PTER: variants seen among roughly 807,000 people sequenced by gnomAD.
The protein encoded by PTER is N-acetyltaurine hydrolase.
In PTER, 38 loss-of-function variants were observed where a neutral mutation model predicts 29.6. That is an observed-to-expected ratio of 1.28 (90% CI 0.99 to 1.68). The LOEUF (loss-of-function observed/expected upper bound fraction) is 1.68, where lower values mean the gene tolerates loss of function less well. Among genes scored for constraint, PTER ranks in the 40% most tolerant of loss-of-function variants. PTER has a pLI of 0.00. For missense variants in PTER, 482 were observed against 427.8 expected (o/e 1.13, Z -1.12); for synonymous variants, 172 against 154.5 (o/e 1.11, Z -0.84).
chr10:16,514,734 TG>T, downstream of PTER: 1 of 1,560,420 alleles, frequency 6.4e-7, no homozygotes, highest in South Asian at 1.2e-5. Context: ...AGAATTAGGA[TG>T]CGTAAATGAG....
rs527304185 is a variant in PTER, at chr10:16,507,261, A to G, written c.839+2101A>G. On this transcript the variant is annotated intron_variant, in intron 4 of 4. Coordinates refer to ENST00000535784, the MANE Select transcript of PTER (RefSeq NM_001261836.2). ...ACTGTATGTGTATGTGTATATATAT[A>G]TGTGTGTGTGTATATATATACACAG... 8.6e-5 allele frequency among the ~76,000 whole-genome samples: 13 copies of G among 151,106 alleles called. No individual in the cohort carries two copies. The South Asian group carries it at 2.1e-3, about 24-fold the overall frequency.
chr10:16,490,175 T>C (rs570467433), intron 3 of PTER, among the ~76,000 whole-genome samples: 1 of 152,314 alleles, frequency 6.6e-6, no homozygotes, highest in East Asian at 1.9e-4. Flanking sequence ...ACAAAGCCTA[T>C]TTTATAATAA....
intron 1 of PTER, among the ~76,000 whole-genome samples, chr10:16,451,833 G>T (rs544739259): frequency 5.9e-5 from 9 of 152,284 alleles, no homozygotes; most frequent in African/African-American, 2.2e-4. Context: ...TTCTTTCATA[G>T]ATGAAATAAA....
chr10:16,457,055 G>C (rs1294093048), intron 1 of PTER, among the ~76,000 whole-genome samples: 1 of 152,068 alleles, frequency 6.6e-6, no homozygotes, highest in Admixed American at 6.6e-5. Context: ...CCCAGTCTCG[G>C]TTATGTCTTT....
In PTER at chr10:16,510,477, A is replaced by G. The variant is rs1192052731; in HGVS notation, c.840-569A>G. Among the ~76,000 whole-genome samples the G allele has an allele frequency of 2.6e-5, 4 of 152,352 alleles. No homozygotes were observed. In the South Asian group the frequency reaches 8.3e-4, roughly 32 times the overall value. On this transcript the variant is annotated intron_variant, in intron 4 of 4. Coordinates refer to ENST00000535784, the MANE Select transcript of PTER (RefSeq NM_001261836.2). ...AAAGGGGCAAATGGTTAAAATGCTG[A>G]CCAACCTTTTTTCAGTGGCTTTGTA...
At chr10:16,452,182 C>T (rs1414836510) in intron 1 of PTER, among the ~76,000 whole-genome samples, 1 of 132,216 alleles carries the variant, frequency 7.6e-6, no homozygotes, top group Non-Finnish European at 1.6e-5. Flanking sequence ...TCAGTTTGAA[C>T]CACCAGTGGG....
chr10:16,446,363 C>T (rs1460523597), intron 1 of PTER, among the ~76,000 whole-genome samples: 1 of 151,978 alleles, frequency 6.6e-6, no homozygotes, highest in Non-Finnish European at 1.5e-5. Flanking sequence ...AGATTAAAGG[C>T]GTGCACCACA....
At chr10:16,464,693 C>G (rs1834744839) in intron 1 of PTER, among the ~76,000 whole-genome samples, 1 of 152,332 alleles carries the variant, frequency 6.6e-6, no homozygotes, top group African/African-American at 2.4e-5. Context: ...ATCAGAATGT[C>G]TCTGTGACAA....
In PTER at chr10:16,513,439, C is replaced by T. The variant is rs1203027734; in HGVS notation, c.*2183C>T. 1 of 152,158 alleles carries T rather than the reference C, an allele frequency of 6.6e-6. No individual in the cohort carries two copies. The highest frequency in any genetic ancestry group is 1.5e-5 in the Non-Finnish European group (1 of 67,888). 9.4% of individuals were successfully genotyped at this position (152,158 alleles called of 1,614,324 possible). On this transcript the variant is annotated 3_prime_UTR_variant, in exon 5 of 5. Transcript: ENST00000535784. ...GTATATGTTTTATACATAAATAAAA[C>T]ATTTCATCTAATATATATATGTGTG...
chr10:16,444,548 C>G (rs1833954056), intron 1 of PTER, among the ~76,000 whole-genome samples: 1 of 151,924 alleles, frequency 6.6e-6, no homozygotes, highest in East Asian at 1.9e-4. Flanking sequence ...CAGGGATGCA[C>G]CTGGTTAATT....
chr10:16,448,095 A>G (rs1834079433), intron 1 of PTER, among the ~76,000 whole-genome samples: 1 of 152,184 alleles, frequency 6.6e-6, no homozygotes, highest in Admixed American at 6.5e-5. Flanking sequence ...GTTTCTACCA[A>G]AGCCCAGTAA....
In PTER at chr10:16,454,178, G is replaced by T. The variant is rs118075763; in HGVS notation, c.-49+17131G>T. ...TTATTTTAAATTACAGAAATTCCAT[G>T]GTCAACCAACTCCACTTCTAATCCA... On this transcript the variant is annotated intron_variant, in intron 1 of 4. Coordinates refer to ENST00000535784, the MANE Select transcript of PTER (RefSeq NM_001261836.2). Among the ~76,000 whole-genome samples, 145 of 152,184 alleles carry T rather than the reference G, an allele frequency of 9.5e-4. 4 individuals are homozygous for T. In the East Asian group the frequency reaches 0.027, roughly 28 times the overall value.
intron 1 of PTER, among the ~76,000 whole-genome samples, chr10:16,448,153 T>C (rs1457405635): frequency 1.3e-5 from 2 of 152,324 alleles, no homozygotes; most frequent in African/African-American, 2.4e-5. Context: ...CTGCAGAAGA[T>C]GGCAGGGCCT....
chr10:16,514,954 A>G (rs74125908), downstream of PTER, among the ~76,000 whole-genome samples: 1,931 of 152,266 alleles, frequency 0.013, 31 homozygotes, highest in African/African-American at 0.044. Flanking sequence ...TTATCTAACT[A>G]CACATTCTAA....
chr10:16,448,893 G>A (rs751860112), intron 1 of PTER, among the ~76,000 whole-genome samples: 2 of 152,214 alleles, frequency 1.3e-5, no homozygotes, highest in Non-Finnish European at 2.9e-5. Context: ...CGCCAAGTCA[G>A]TGGCTGCATT....
chr10:16,444,205 G>A (rs186523438), intron 1 of PTER, among the ~76,000 whole-genome samples: 22 of 152,014 alleles, frequency 1.4e-4, no homozygotes, highest in African/African-American at 5.1e-4. Flanking sequence ...CATGTTGGCC[G>A]GGATGGTCTC....
chr10:16,457,818 C>T (rs1032971059), intron 1 of PTER, among the ~76,000 whole-genome samples: 2 of 151,874 alleles, frequency 1.3e-5, no homozygotes, highest in Non-Finnish European at 2.9e-5. Flanking sequence ...CCATGTTGGC[C>T]GCGCTAGTCT....
downstream of PTER, among the ~76,000 whole-genome samples, chr10:16,518,607 C>T (rs1415940174): frequency 6.6e-6 from 1 of 152,200 alleles, no homozygotes; most frequent in Non-Finnish European, 1.5e-5. Flanking sequence ...GCAGTCTAGA[C>T]ATCAACATTT....
chr10:16,443,013 A>T (rs550034310), intron 1 of PTER, among the ~76,000 whole-genome samples: 1 of 152,204 alleles, frequency 6.6e-6, no homozygotes, highest in South Asian at 2.1e-4. Context: ...TAGAGCCCCC[A>T]GGTGTAATTA....
Sources: gnomAD v4.1 joint callset for allele counts (sites outside exome capture counted in the v4.1 genomes callset) on GRCh38, gnomAD v4.1.1 for gene constraint, MANE v1.5 for transcripts, NCBI Gene and HGNC (gene_info 2026-07-23, HGNC 2026-07-21) for gene names.